The following TPTE2 variants were observed in gnomAD, a reference collection of about 807,000 sequenced individuals.
TPTE2 encodes the protein transmembrane phosphoinositide 3-phosphatase and tensin homolog 2, also known as phosphatidylinositol 3,4,5-trisphosphate 3-phosphatase TPTE2.
TPTE2 carries 53 observed loss-of-function variants against 78.6 expected under a neutral mutation model. That is an observed-to-expected ratio of 0.67 (90% CI 0.54 to 0.85). The LOEUF (loss-of-function observed/expected upper bound fraction) is 0.85, where lower values mean the gene tolerates loss of function less well. Ranked by LOEUF, TPTE2 falls within the 40% of genes least tolerant of loss-of-function variation. The pLI, the probability that TPTE2 is intolerant of heterozygous loss-of-function variation, is 0.00. For synonymous variants in TPTE2, 175 were observed against 206.2 expected, an observed-to-expected ratio of 0.85 and a Z score of 1.30; for missense variants, 461 against 623.0, an observed-to-expected ratio of 0.74 and a Z score of 2.77.
chr13:19,490,959 A>G (rs1164118472), intron 3 of TPTE2, among the ~76,000 whole-genome samples: 3 of 152,224 alleles, frequency 2.0e-5, no homozygotes, highest in Non-Finnish European at 2.9e-5. Context: ...AGGGTGACCA[A>G]TGGAATAGGA....
intron 17 of TPTE2, among the ~76,000 whole-genome samples, chr13:19,429,685 C>T (rs954976985): frequency 1.3e-5 from 2 of 151,666 alleles, no homozygotes; most frequent in African/African-American, 2.4e-5. Context: ...CCAAAAAAGC[C>T]GGGGGCAGAG....
At chr13:19,501,781 G>C (rs377139317) in intron 1 of TPTE2, among the ~76,000 whole-genome samples, 10 of 151,720 alleles carry the variant, frequency 6.6e-5, no homozygotes, top group South Asian at 4.2e-4. Flanking sequence ...GCAATGGCAA[G>C]AAAAGCCAAA....
chr13:19,491,717 C>T (rs758084275), intron 3 of TPTE2, among the ~76,000 whole-genome samples: 1 of 151,952 alleles, frequency 6.6e-6, no homozygotes, highest in Non-Finnish European at 1.5e-5. Flanking sequence ...CCCAGCTACT[C>T]AGGAGGCTGA....
chr13:19,461,372 T>A (rs1466039083), intron 10 of TPTE2, among the ~76,000 whole-genome samples: 1 of 152,066 alleles, frequency 6.6e-6, no homozygotes, highest in Non-Finnish European at 1.5e-5. Context: ...TGTGTAATGA[T>A]CAAATCAGGA....
At chr13:19,510,430 G>A (rs1272972202) in intron 1 of TPTE2, among the ~76,000 whole-genome samples, 5 of 146,876 alleles carry the variant, frequency 3.4e-5, no homozygotes, top group African/African-American at 1.4e-4. Flanking sequence ...CAAGGTGGGG[G>A]AAGCCACTGG....
chr13:19,553,926 T>C, the TPTE2 span, among the ~76,000 whole-genome samples: 1 of 152,240 alleles, frequency 6.6e-6, no homozygotes, highest in South Asian at 2.1e-4. Flanking sequence ...GTGCAGTTTG[T>C]TGCACACAAA....
intron 1 of TPTE2, among the ~76,000 whole-genome samples, chr13:19,511,938 T>C (rs1410483072): frequency 6.6e-6 from 1 of 152,168 alleles, no homozygotes; most frequent in Non-Finnish European, 1.5e-5. Flanking sequence ...AACTAGTGCA[T>C]GAAAGTTTTA....
At chr13:19,489,155 A>T (rs551664578) in intron 3 of TPTE2, among the ~76,000 whole-genome samples, 1 of 152,298 alleles carries the variant, frequency 6.6e-6, no homozygotes, top group South Asian at 2.1e-4. Context: ...TTGCCCCAAA[A>T]CAATTACAAT....
intron 1 of TPTE2, among the ~76,000 whole-genome samples, chr13:19,497,926 T>C (rs1819194484): frequency 1.3e-5 from 2 of 151,310 alleles, no homozygotes. Context: ...AAGGTATAAC[T>C]AGAATAACCA....
the TPTE2 span, among the ~76,000 whole-genome samples, chr13:19,557,093 C>T: frequency 6.6e-6 from 1 of 152,192 alleles, no homozygotes; most frequent in Non-Finnish European, 1.5e-5. Flanking sequence ...CTCTTCTAGA[C>T]AGTAAGCTGC....
chr13:19,542,155 A>G, the TPTE2 span, among the ~76,000 whole-genome samples: 2 of 152,130 alleles, frequency 1.3e-5, no homozygotes, highest in Non-Finnish European at 2.9e-5. Context: ...AGTTATTCAC[A>G]TTTTAAATAT....
chr13:19,504,570 T>A (rs1868865360), upstream of TPTE2, among the ~76,000 whole-genome samples: 3 of 152,122 alleles, frequency 2.0e-5, no homozygotes, highest in South Asian at 6.3e-4. Context: ...TTTCTTCCCT[T>A]GGTCCACTCT....
Position 19,535,545 on chromosome 13 carries a change from C to A in TPTE2, c.-44+1051G>T, listed in dbSNP as rs576619361. ...ACTCTATAGAAAGATATTATAAAATCAAGGATTAAATTTAGATTGATTAAT... is the reference window on the plus strand; with the variant it reads ...ACTCTATAGAAAGATATTATAAAATAAAGGATTAAATTTAGATTGATTAAT... On this transcript the variant is annotated intron_variant, in intron 1 of 17. Coordinates refer to the TPTE2 transcript ENST00000390680. The surrounding 1 kb of genome is among the most constrained non-coding windows in gnomAD (Gnocchi z 5.1). 2.0e-5 allele frequency among the ~76,000 whole-genome samples: 3 copies of A among 151,970 alleles called. No individual in the cohort carries two copies. In the South Asian group the frequency reaches 6.2e-4, roughly 32 times the overall value.
chr13:19,537,513 G>A (rs375197103), upstream of TPTE2, among the ~76,000 whole-genome samples: 188 of 151,710 alleles, frequency 1.2e-3, 1 homozygote, highest in African/African-American at 3.9e-3. Flanking sequence ...GATTACAGGC[G>A]TGAGCCACTG....
At chr13:19,476,599 C>G (rs1011481304) in intron 4 of TPTE2, among the ~76,000 whole-genome samples, 1 of 152,082 alleles carries the variant, frequency 6.6e-6, no homozygotes, top group Non-Finnish European at 1.5e-5. Context: ...ATGTGGCCAA[C>G]AAGCATACGA....
intron 6 of TPTE2, among the ~76,000 whole-genome samples, chr13:19,470,826 T>C (rs1446559227): frequency 6.6e-6 from 1 of 152,106 alleles, no homozygotes; most frequent in East Asian, 1.9e-4. Context: ...ACTTCCAGCC[T>C]ACCTGTGTCT....
At position 19,498,862 on chromosome 13, in the gene TPTE2, TAA is replaced by T. The variant is rs576237854; in HGVS notation, c.11+4360_11+4361del. 6.3e-3 allele frequency among the ~76,000 whole-genome samples: 958 copies of T among 152,174 alleles called. 11 individuals are homozygous for T. Among genetic ancestry groups the T allele is most frequent in the African/African-American group, 0.022 (934 of 41,514 alleles). ...AAAAGACACAGACTGGCAAATTGGA[TAA>T]AGAGTCAAGACCCATCAGTGTGCTG... On this transcript the variant is annotated intron_variant, in intron 1 of 19. Transcript: ENST00000400230.
At chr13:19,505,190 G>A (rs1245883444), upstream of TPTE2, among the ~76,000 whole-genome samples, 1 of 151,996 alleles carries the variant, frequency 6.6e-6, no homozygotes, top group South Asian at 2.1e-4. Context: ...ATCGAGGCTG[G>A]AGTGCAGTGA....
At chr13:19,506,973 A>G (rs189408439), upstream of TPTE2, among the ~76,000 whole-genome samples, 3 of 152,320 alleles carry the variant, frequency 2.0e-5, no homozygotes, top group East Asian at 5.8e-4. Context: ...CTTGTATCCA[A>G]CTAGACCCAA....
Sources: gnomAD v4.1 joint callset for allele counts (sites outside exome capture counted in the v4.1 genomes callset) on GRCh38, gnomAD v4.1.1 for gene constraint, Gnocchi (gnomAD v3.1) non-coding constraint, MANE v1.5 for transcripts, NCBI Gene and HGNC (gene_info 2026-07-23, HGNC 2026-07-21) for gene names.